ABTB2: variants seen among roughly 807,000 people sequenced by gnomAD.
ABTB2 encodes ankyrin repeat and BTB domain containing 2.
In ABTB2, 56 loss-of-function variants were observed where a neutral mutation model predicts 104.1. The ratio of observed to expected loss-of-function variants is 0.54; its 90% CI spans 0.43 to 0.67. The LOEUF (loss-of-function observed/expected upper bound fraction) is 0.67. Among genes scored for constraint, ABTB2 ranks in the 30% least tolerant of loss-of-function variants. The probability of loss-of-function intolerance (pLI) is 0.00; values close to 1 mark genes in which losing one functional copy is unlikely to be tolerated. For missense variants in ABTB2, 1,279 were observed against 1,407.7 expected, an observed-to-expected ratio of 0.91 and a Z score of 1.46; for synonymous variants, 606 against 608.2, an observed-to-expected ratio of 1.00 and a Z score of 0.05.
In ABTB2 at chr11:34,161,015, G is replaced by T; in HGVS notation, c.2285C>A (p.Ser762Ter). ...GTCCCGCAGGAGGCTCTGCACCACC[G>T]AGTACCGCGACTGCGAGAACGAGGT... ...LRTSFSQSRY[S>*]VVQSLLRDFS... Residue 762 changes from serine to a stop codon, truncating the protein, a stop_gained, in exon 11 of 17, where the codon TCG (serine) becomes TAG (stop). Coordinates refer to ENST00000435224, the MANE Select transcript of ABTB2 (RefSeq NM_145804.3). LOFTEE classifies it high-confidence loss of function. The T allele has an allele frequency of 6.2e-7, 1 of 1,613,562 alleles. No individual in the cohort carries two copies. Among genetic ancestry groups the T allele is most frequent in the Non-Finnish European group, 8.5e-7 (1 of 1,179,830 alleles).
chr11:34,296,843 CA>C (rs1414209912), intron 1 of ABTB2, among the ~76,000 whole-genome samples: 1 of 152,142 alleles, frequency 6.6e-6, no homozygotes, highest in African/African-American at 2.4e-5. Flanking sequence ...AATAAATCGC[CA>C]CAGTTGGAGA....
chr11:34,226,336 G>A (rs560147682), intron 1 of ABTB2, among the ~76,000 whole-genome samples: 1 of 152,214 alleles, frequency 6.6e-6, no homozygotes, highest in East Asian at 1.9e-4. Flanking sequence ...CTCCTGGAAG[G>A]GATGTTTTAA....
At position 34,204,697 on chromosome 11, in the gene ABTB2, G is replaced by C; in HGVS notation, c.884-7C>G. The C allele has an allele frequency of 1.9e-6, 3 of 1,610,602 alleles. No individual in the cohort carries two copies. The highest frequency in any genetic ancestry group is 2.5e-6 in the Non-Finnish European group (3 of 1,178,278). On this transcript the variant is annotated splice_region_variant and splice_polypyrimidine_tract_variant and intron_variant, in intron 1 of 16. Transcript: ENST00000435224. ...GCGGGGAGGGAGAGGACACCTATGG[G>C]GAAAGAAGGCAGACAGGTCACACTT...
chr11:34,313,023 G>A (rs555585452), intron 1 of ABTB2, among the ~76,000 whole-genome samples: 1 of 152,232 alleles, frequency 6.6e-6, no homozygotes, highest in Admixed American at 6.5e-5. Flanking sequence ...GAATAGAAAA[G>A]ACCCAATTTC....
chr11:34,265,387 G>A (rs1049140112), intron 1 of ABTB2, among the ~76,000 whole-genome samples: 6 of 152,172 alleles, frequency 3.9e-5, no homozygotes, highest in South Asian at 2.1e-4. Context: ...TTGGCTGGGC[G>A]TGGTGGCTCA....
chr11:34,165,386 G>A (rs774305278), intron 7 of ABTB2, 30 bp from the exon 8 acceptor site: 1 of 1,556,586 alleles, frequency 6.4e-7, no homozygotes, highest in South Asian at 1.2e-5. Context: ...GGAGGGCACT[G>A]CTCAGCGTGG....
At chr11:34,253,088 G>A (rs886129698) in intron 1 of ABTB2, among the ~76,000 whole-genome samples, 3 of 152,208 alleles carry the variant, frequency 2.0e-5, no homozygotes, top group Non-Finnish European at 4.4e-5. Context: ...TGGCAAGGCT[G>A]CTCTATGCCA....
chr11:34,165,695 G>A (rs974602924), intron 7 of ABTB2, among the ~76,000 whole-genome samples: 3 of 152,220 alleles, frequency 2.0e-5, no homozygotes, highest in Admixed American at 1.3e-4. Flanking sequence ...AATGTTGCCC[G>A]CAATCTATGG....
chr11:34,243,616 G>T (rs1853948937), intron 1 of ABTB2, among the ~76,000 whole-genome samples: 1 of 152,212 alleles, frequency 6.6e-6, no homozygotes, highest in African/African-American at 2.4e-5. Flanking sequence ...CGATTTTACA[G>T]ATTTATTATC....
chr11:34,187,499 C>CA lies in ABTB2; in HGVS notation c.1244+9825_1244+9826insT, dbSNP rs111507348. On this transcript the variant is annotated intron_variant, in intron 3 of 16. Transcript: ENST00000435224. Reference sequence around the variant, plus strand: ...TTCTCGTCTACCTTATCTTCTTTGCCTTTTTTTTTTTTTGGTGAGATGGGG... The same window carrying CA: ...TTCTCGTCTACCTTATCTTCTTTGCCATTTTTTTTTTTTTGGTGAGATGGGG... Among the ~76,000 whole-genome samples, 370 of 140,676 alleles carry CA rather than the reference C, an allele frequency of 2.6e-3. 4 individuals carry two copies. The highest frequency in any genetic ancestry group is 9.4e-3 in the African/African-American group (356 of 37,726). 92.3% of individuals were successfully genotyped at this position (140,676 alleles called of 152,430 possible).
chr11:34,172,418 A>ATATATATATATATATG (rs55819950), intron 4 of ABTB2, among the ~76,000 whole-genome samples: 62 of 84,198 alleles, frequency 7.4e-4, no homozygotes, highest in Middle Eastern at 7.7e-3. Flanking sequence ...ATATATATAT[A>ATATATATATATATATG]TGTGTGTGTG....
chr11:34,224,977 A>G (rs1853669106), intron 1 of ABTB2, among the ~76,000 whole-genome samples: 1 of 152,214 alleles, frequency 6.6e-6, no homozygotes, highest in South Asian at 2.1e-4. Flanking sequence ...TAGGTGCTTA[A>G]TAAGTATAAA....
chr11:34,273,630 G>C (rs1854346492), intron 1 of ABTB2, among the ~76,000 whole-genome samples: 1 of 152,046 alleles, frequency 6.6e-6, no homozygotes, highest in Non-Finnish European at 1.5e-5. Flanking sequence ...GATGGAACAG[G>C]GCCTGATCTG....
chr11:34,281,570 G>T (rs1045515256), intron 1 of ABTB2, among the ~76,000 whole-genome samples: 1 of 152,146 alleles, frequency 6.6e-6, no homozygotes, highest in Non-Finnish European at 1.5e-5. Context: ...GGGGACTCCC[G>T]CTGGGCAGGG....
chr11:34,340,913 A>C (rs1855254381), intron 1 of ABTB2, among the ~76,000 whole-genome samples: 1 of 152,236 alleles, frequency 6.6e-6, no homozygotes, highest in Admixed American at 6.5e-5. Context: ...CAACAAGCTC[A>C]GTAGGAAAGA....
rs201712306 is a variant in ABTB2 at position 34,160,784 on chromosome 11, TG to T, written c.2397+118del. 3.9e-3 allele frequency: 4,309 copies of T among 1,091,630 alleles called. 119 individuals carry two copies. In the African/African-American group the frequency reaches 0.061, roughly 16 times the overall value. The allele number at this position is 1,091,630 out of a possible 1,614,324, so 67.6% of individuals were successfully genotyped here. A position where few individuals can be genotyped will look rare whatever the true frequency, so the allele number is the denominator to read the frequency against. On this transcript the variant is annotated intron_variant, in intron 11 of 16. Transcript: ENST00000435224. ...TGCTGAGGGCAGGCGTGTGAGTGTG[TG>T]TGCGTTGGGTGAGGGGGTCCCTGTG...
In ABTB2 at chr11:34,152,366, C is replaced by T. The variant is rs376690299; in HGVS notation, c.*21G>A. 1.4e-5 allele frequency: 22 copies of T among 1,546,318 alleles called. No individual in the cohort carries two copies. Among genetic ancestry groups the T allele is most frequent in the South Asian group, 2.4e-5 (2 of 83,888 alleles). Reference sequence around the variant, plus strand: ...CTGGCACCTCCACAGGCCCTGGCCTCGGCAGCCTCCGCCCCCTGCCTCACA... The same window carrying T: ...CTGGCACCTCCACAGGCCCTGGCCTTGGCAGCCTCCGCCCCCTGCCTCACA... On this transcript the variant is annotated 3_prime_UTR_variant, in exon 17 of 17. Transcript: ENST00000435224.
intron 1 of ABTB2, among the ~76,000 whole-genome samples, chr11:34,266,856 A>G (rs1854257492): frequency 6.9e-6 from 1 of 144,980 alleles, no homozygotes; most frequent in African/African-American, 2.5e-5. Flanking sequence ...TAGAGGAGAG[A>G]TGGGGGCCAG....
chr11:34,343,282 G>A (rs1855285563), intron 1 of ABTB2, among the ~76,000 whole-genome samples: 2 of 152,114 alleles, frequency 1.3e-5, no homozygotes, highest in African/African-American at 4.8e-5. Flanking sequence ...CACCATCCTA[G>A]GTGGGGCGAA....
Sources: allele counts gnomAD v4.1 joint callset (sites outside exome capture counted in the v4.1 genomes callset), GRCh38; gene constraint gnomAD v4.1.1; transcripts MANE v1.5; gene names NCBI Gene and HGNC (gene_info 2026-07-23, HGNC 2026-07-21).